The following NEK11 variants were observed in gnomAD, a reference collection of about 807,000 sequenced individuals.
NEK11 encodes the protein serine/threonine-protein kinase Nek11.
NEK11 carries 72 observed loss-of-function variants against 80.7 expected under a neutral mutation model. The ratio of observed to expected loss-of-function variants is 0.89; its 90% CI spans 0.74 to 1.08. The LOEUF (loss-of-function observed/expected upper bound fraction) is 1.08. Ranked by LOEUF, NEK11 falls within the 50% of genes least tolerant of loss-of-function variation. The pLI is 0.00. For synonymous variants in NEK11, 251 were observed against 260.7 expected, an observed-to-expected ratio of 0.96 and a Z score of 0.36; for missense variants, 764 against 763.6, an observed-to-expected ratio of 1.00 and a Z score of -0.01.
intron 16 of NEK11, among the ~76,000 whole-genome samples, chr3:131,270,580 CTACTATT>C (rs2096163170): frequency 6.6e-6 from 1 of 152,148 alleles, no homozygotes; most frequent in Non-Finnish European, 1.5e-5. Context: ...CATAAAGCAA[CTACTATT>C]CATGTTGGAA....
chr3:131,233,955 T>C (rs1403660735), intron 15 of NEK11, among the ~76,000 whole-genome samples: 3 of 152,240 alleles, frequency 2.0e-5, no homozygotes, highest in African/African-American at 7.2e-5. Context: ...AGCTAGTAAG[T>C]AGCAGAACTG....
chr3:131,195,114 A>G (rs1170766193), intron 14 of NEK11, among the ~76,000 whole-genome samples: 1 of 152,122 alleles, frequency 6.6e-6, no homozygotes, highest in African/African-American at 2.4e-5. Flanking sequence ...CATGCCTACC[A>G]AAGTGATCTT....
chr3:131,271,712 T>A (rs1424223337), intron 16 of NEK11, among the ~76,000 whole-genome samples: 1 of 151,926 alleles, frequency 6.6e-6, no homozygotes, highest in Non-Finnish European at 1.5e-5. Flanking sequence ...GGAGAATTGC[T>A]TGAACCCAGG....
intron 17 of NEK11, among the ~76,000 whole-genome samples, chr3:131,297,096 AT>A (rs2096602419): frequency 6.6e-6 from 1 of 152,162 alleles, no homozygotes. Flanking sequence ...AGTCTTTGCT[AT>A]TGTGAATAGT....
At chr3:131,104,653 G>T (rs939228806) in intron 4 of NEK11, among the ~76,000 whole-genome samples, 1 of 152,130 alleles carries the variant, frequency 6.6e-6, no homozygotes, top group African/African-American at 2.4e-5. Context: ...AGCACCGTGC[G>T]TGTGGTACCT....
At chr3:131,338,714 C>G (rs1418944812) in intron 17 of NEK11, among the ~76,000 whole-genome samples, 1 of 152,124 alleles carries the variant, frequency 6.6e-6, no homozygotes, top group Non-Finnish European at 1.5e-5. Flanking sequence ...CTCAAAGATG[C>G]TATGTTAATT....
At chr3:131,090,280 A>G (rs1578112988) in intron 4 of NEK11, among the ~76,000 whole-genome samples, 2 of 152,224 alleles carry the variant, frequency 1.3e-5, no homozygotes, top group African/African-American at 2.4e-5. Flanking sequence ...AGGAGATACT[A>G]TTAATCCATC....
At chr3:131,148,647 A>C (rs1006797762) in intron 7 of NEK11, among the ~76,000 whole-genome samples, 3 of 151,846 alleles carry the variant, frequency 2.0e-5, no homozygotes, top group African/African-American at 7.2e-5. Flanking sequence ...TTTACTTTTG[A>C]GATAGAGGGT....
chr3:131,071,006 T>TG (rs1419926861), intron 3 of NEK11, among the ~76,000 whole-genome samples: 2 of 152,184 alleles, frequency 1.3e-5, no homozygotes, highest in Non-Finnish European at 2.9e-5. Context: ...AAGCTGAATA[T>TG]GGGGGGAACA....
intron 3 of NEK11, among the ~76,000 whole-genome samples, chr3:131,067,499 C>T (rs936097964): frequency 6.6e-6 from 1 of 152,136 alleles, no homozygotes; most frequent in African/African-American, 2.4e-5. Context: ...GATTGAAATA[C>T]CCCTCGTAAT....
chr3:131,295,587 T>C (rs998710672), intron 17 of NEK11, among the ~76,000 whole-genome samples: 1 of 152,200 alleles, frequency 6.6e-6, no homozygotes, highest in African/African-American at 2.4e-5. Flanking sequence ...GCCAATTTGG[T>C]TCTAAAAACA....
chr3:131,120,301 T>A (rs2082141373), intron 5 of NEK11, among the ~76,000 whole-genome samples: 1 of 152,236 alleles, frequency 6.6e-6, no homozygotes, highest in Admixed American at 6.5e-5. Flanking sequence ...ATGTTGAATA[T>A]TGGCCCCCAC....
chr3:131,115,968 T>TTC (rs1553878615), intron 5 of NEK11, among the ~76,000 whole-genome samples: 7 of 145,102 alleles, frequency 4.8e-5, no homozygotes, highest in Admixed American at 2.1e-4. Context: ...CTTTCTTTCT[T>TTC]TCTTTCTTTC....
intron 6 of NEK11, 25 bp downstream of exon 6, chr3:131,132,834 C>T (rs1316669719): frequency 9.0e-7 from 1 of 1,113,418 alleles, no homozygotes; most frequent in South Asian, 1.4e-5. Flanking sequence ...AGTATGAATT[C>T]CAAAAACGCA....
chr3:131,134,219 C>T (rs970385081), intron 7 of NEK11: 14 of 294,972 alleles, frequency 4.7e-5, no homozygotes, highest in Non-Finnish European at 6.8e-5. Context: ...CTTAATGTAC[C>T]ATAAGCATTA....
At chr3:131,174,652 T>A (rs921472094) in intron 14 of NEK11, 21 of 1,120,248 alleles carry the variant, frequency 1.9e-5, no homozygotes, top group Non-Finnish European at 2.6e-5. Flanking sequence ...ACTGGAATGT[T>A]AAAGAAATTA....
chr3:131,303,795 T>C (rs2096690416), intron 17 of NEK11, among the ~76,000 whole-genome samples: 1 of 152,190 alleles, frequency 6.6e-6, no homozygotes, highest in African/African-American at 2.4e-5. Flanking sequence ...TTTTCTTTCA[T>C]TTTGACCTTG....
intron 3 of NEK11, 60 bp from the exon 4 acceptor site, chr3:131,080,363 T>G: frequency 7.9e-7 from 1 of 1,268,600 alleles, no homozygotes; most frequent in Non-Finnish European, 1.1e-6. Flanking sequence ...TACCACTTGA[T>G]GATATTTGTT....
chr3:131,229,539 T>C (rs1349284394), intron 15 of NEK11, among the ~76,000 whole-genome samples: 2 of 152,086 alleles, frequency 1.3e-5, no homozygotes, highest in Non-Finnish European at 2.9e-5. Flanking sequence ...GAGGAGATGA[T>C]TTTTGGAGTG....
Sources: allele counts gnomAD v4.1 joint callset (sites outside exome capture counted in the v4.1 genomes callset), GRCh38; gene constraint gnomAD v4.1.1; transcripts MANE v1.5; gene names NCBI Gene and HGNC (gene_info 2026-07-23, HGNC 2026-07-21).